MACROD2: variants seen among roughly 807,000 people sequenced by gnomAD.
The protein encoded by MACROD2 is mono-ADP ribosylhydrolase 2, also known as ADP-ribose glycohydrolase MACROD2.
MACROD2 carries 36 observed loss-of-function variants against 70.4 expected under a neutral mutation model. The observed-to-expected ratio is 0.51, with a 90% CI of 0.39 to 0.68. The LOEUF (loss-of-function observed/expected upper bound fraction) is 0.68, where lower values mean the gene tolerates loss of function less well. Ranked by LOEUF, MACROD2 falls within the 30% of genes least tolerant of loss-of-function variation. The probability of loss-of-function intolerance (pLI) is 0.00; values close to 1 mark genes in which losing one functional copy is unlikely to be tolerated. For synonymous variants in MACROD2, 172 were observed against 178.8 expected, an observed-to-expected ratio of 0.96 and a Z score of 0.30; for missense variants, 496 against 538.4, an observed-to-expected ratio of 0.92 and a Z score of 0.78.
chr20:14,066,481 A>C (rs1252501105), intron 2 of MACROD2, among the ~76,000 whole-genome samples: 1 of 152,240 alleles, frequency 6.6e-6, no homozygotes, highest in Non-Finnish European at 1.5e-5. Flanking sequence ...TATCAAAATG[A>C]CAACATTTTA....
At chr20:14,011,529 G>A (rs913221589) in intron 2 of MACROD2, among the ~76,000 whole-genome samples, 3 of 146,168 alleles carry the variant, frequency 2.1e-5, no homozygotes, top group South Asian at 4.5e-4. Context: ...CTTTCTCTTC[G>A]ATTTTTTTTT....
chr20:15,806,627 C>G (rs2063772066), intron 8 of MACROD2, among the ~76,000 whole-genome samples: 1 of 151,792 alleles, frequency 6.6e-6, no homozygotes, highest in African/African-American at 2.4e-5. Context: ...TCTCTGAGCT[C>G]TAAACAAAAC....
intron 13 of MACROD2, among the ~76,000 whole-genome samples, chr20:15,986,419 T>C (rs6043659): frequency 0.62 from 93,664 of 152,020 alleles, 29,445 homozygotes; most frequent in Non-Finnish European, 0.65. Flanking sequence ...GCCCAGAAAT[T>C]ATTGTAAAAT....
intron 13 of MACROD2, among the ~76,000 whole-genome samples, chr20:15,967,960 T>C (rs1020984388): frequency 9.2e-5 from 14 of 152,118 alleles, no homozygotes; most frequent in African/African-American, 3.4e-4. Flanking sequence ...TTGAAAAACA[T>C]GGAGAATAAA....
intron 12 of MACROD2, among the ~76,000 whole-genome samples, chr20:15,953,431 T>C (rs755260721): frequency 1.2e-4 from 18 of 152,148 alleles, no homozygotes; most frequent in Admixed American, 5.9e-4. Flanking sequence ...TACCCCAATC[T>C]GATCACTCTA....
intron 12 of MACROD2, among the ~76,000 whole-genome samples, chr20:15,958,121 C>A (rs2066003479): frequency 6.6e-6 from 1 of 152,184 alleles, no homozygotes; most frequent in South Asian, 2.1e-4. Flanking sequence ...ATGAAATACT[C>A]TCATTACTTT....
intron 4 of MACROD2, among the ~76,000 whole-genome samples, chr20:14,581,455 G>A (rs1981011903): frequency 6.6e-6 from 1 of 151,960 alleles, no homozygotes; most frequent in African/African-American, 2.4e-5. Flanking sequence ...ATTTTTCTTG[G>A]CCTTTTAAAA....
At chr20:14,165,803 G>C (rs967835843) in intron 3 of MACROD2, among the ~76,000 whole-genome samples, 1 of 152,052 alleles carries the variant, frequency 6.6e-6, no homozygotes, top group Non-Finnish European at 1.5e-5. Flanking sequence ...AAAATCCCTC[G>C]GTTATCAGTG....
chr20:15,107,069 T>A (rs966523407), intron 5 of MACROD2, among the ~76,000 whole-genome samples: 12 of 139,386 alleles, frequency 8.6e-5, no homozygotes, highest in Non-Finnish European at 1.7e-4. Context: ...ATTCATAACA[T>A]TTAAGGCTTT....
At chr20:14,459,013 G>A (rs1391177714) in intron 3 of MACROD2, among the ~76,000 whole-genome samples, 1 of 151,888 alleles carries the variant, frequency 6.6e-6, no homozygotes, top group African/African-American at 2.4e-5. Flanking sequence ...TAATTATTCA[G>A]AAAATTATAT....
At chr20:14,647,958 A>G (rs1985483509) in intron 4 of MACROD2, among the ~76,000 whole-genome samples, 1 of 152,164 alleles carries the variant, frequency 6.6e-6, no homozygotes, top group Non-Finnish European at 1.5e-5. Context: ...TGCCATTTGC[A>G]TCCTATCCAG....
intron 4 of MACROD2, among the ~76,000 whole-genome samples, chr20:14,647,173 G>A (rs1442268635): frequency 6.6e-6 from 1 of 152,044 alleles, no homozygotes; most frequent in Admixed American, 6.6e-5. Flanking sequence ...TAATTCAGGA[G>A]GATTTATTTG....
chr20:15,722,553 C>T (rs2050801990), intron 8 of MACROD2, among the ~76,000 whole-genome samples: 2 of 152,086 alleles, frequency 1.3e-5, no homozygotes, highest in Non-Finnish European at 2.9e-5. Flanking sequence ...GTCTTTGATC[C>T]ATTTTCCCCC....
chr20:15,380,765 A>G (rs572278775), intron 6 of MACROD2, among the ~76,000 whole-genome samples: 3 of 152,346 alleles, frequency 2.0e-5, no homozygotes, highest in South Asian at 2.1e-4. Context: ...AATAATTTCA[A>G]CTTCAAAAAT....
intron 8 of MACROD2, among the ~76,000 whole-genome samples, chr20:15,539,153 A>G (rs958624143): frequency 6.6e-6 from 1 of 152,214 alleles, no homozygotes; most frequent in South Asian, 2.1e-4. Context: ...TAACCAACAA[A>G]TACAATGATA....
chr20:15,603,113 G>A (rs1477362499), intron 8 of MACROD2, among the ~76,000 whole-genome samples: 1 of 152,082 alleles, frequency 6.6e-6, no homozygotes, highest in Non-Finnish European at 1.5e-5. Flanking sequence ...CTAGATCAAA[G>A]AAATGTTAAT....
chr20:14,878,729 A>C (rs2073578114), intron 5 of MACROD2, among the ~76,000 whole-genome samples: 2 of 152,256 alleles, frequency 1.3e-5, no homozygotes, highest in South Asian at 4.1e-4. Context: ...AATATGATCT[A>C]TCCTAGTTAT....
intron 3 of MACROD2, among the ~76,000 whole-genome samples, chr20:14,184,217 G>T (rs145304384): frequency 6.6e-6 from 1 of 152,270 alleles, no homozygotes; most frequent in East Asian, 1.9e-4. Context: ...TGTGGTGTAA[G>T]TAAGGGGTCT....
At chr20:14,831,055 A>G (rs2072959469) in intron 5 of MACROD2, among the ~76,000 whole-genome samples, 1 of 152,030 alleles carries the variant, frequency 6.6e-6, no homozygotes, top group South Asian at 2.1e-4. Context: ...GAGCATACCT[A>G]CCTGTGCTGC....
Sources: gnomAD v4.1 joint callset for allele counts (sites outside exome capture counted in the v4.1 genomes callset) on GRCh38, gnomAD v4.1.1 for gene constraint, MANE v1.5 for transcripts, NCBI Gene and HGNC (gene_info 2026-07-23, HGNC 2026-07-21) for gene names.